Variants in VPS13C observed in about 807,000 individuals in gnomAD.
The protein encoded by VPS13C is vacuolar protein sorting 13 homolog C.
VPS13C carries 358 observed loss-of-function variants against 456.8 expected under a neutral mutation model. That is an observed-to-expected ratio of 0.78 (90% confidence interval 0.72 to 0.86). The LOEUF (loss-of-function observed/expected upper bound fraction) is 0.86, where lower values mean the gene tolerates loss of function less well. VPS13C is among the 40% of genes least tolerant of loss of function. The pLI is 0.00. For synonymous variants in VPS13C, 1,578 were observed against 1,486.7 expected (o/e 1.06, Z -1.41); for missense variants, 4,818 against 4,385.4 (o/e 1.10, Z -2.79).
chr15:61,863,520 G>T lies in VPS13C; in HGVS notation c.10872C>A (p.Ile3624=). 1 of 1,612,084 alleles carries T rather than the reference G, an allele frequency of 6.2e-7. No homozygotes were observed. The highest frequency in any genetic ancestry group is 2.2e-5 in the East Asian group (1 of 44,744). Residue 3624 remains isoleucine (I), a synonymous_variant, in exon 82 of 85, where the codon ATC becomes ATA. Transcript: ENST00000644861. ...SEGSDLLENH[I]KKLEGETYRY... ...GGTAAGTCTCTCCTTCCAACTTTTT[G>T]ATATGATTCTGAAAAGGAAACCAGG...
At chr15:61,947,646 A>G (rs1222993726) in intron 42 of VPS13C, among the ~76,000 whole-genome samples, 1 of 152,158 alleles carries the variant, frequency 6.6e-6, no homozygotes, top group East Asian at 1.9e-4. Flanking sequence ...CTTGGTCTAA[A>G]GTTTTGATTC....
intron 37 of VPS13C, among the ~76,000 whole-genome samples, chr15:61,954,876 A>G (rs1365971231): frequency 1.3e-5 from 2 of 152,204 alleles, no homozygotes; most frequent in Admixed American, 1.3e-4. Context: ...GGTATTATTC[A>G]AGTAGAGCAA....
At chr15:61,881,515 A>T in intron 71 of VPS13C, 48 bp downstream of exon 71, 1 of 1,510,044 alleles carries the variant, frequency 6.6e-7, no homozygotes, top group Non-Finnish European at 8.9e-7. Context: ...TTCAAAGTAG[A>T]TTCTCATTTT....
At chr15:61,995,914 C>T (rs1004874019) in intron 16 of VPS13C, among the ~76,000 whole-genome samples, 19 of 152,202 alleles carry the variant, frequency 1.2e-4, no homozygotes, top group South Asian at 4.1e-4. Context: ...AACTACTATA[C>T]ATGGCTCTGC....
At chr15:61,974,158 T>C (rs1262040569) in intron 25 of VPS13C, 130 bp downstream of exon 25, 5 of 945,254 alleles carry the variant, frequency 5.3e-6, no homozygotes, top group Non-Finnish European at 5.7e-6. Flanking sequence ...CATTATAAAT[T>C]TGAAAGACAT....
At chr15:61,954,667 A>T (rs1188354664) in intron 37 of VPS13C, 113 bp from the exon 38 acceptor site, 12 of 1,015,946 alleles carry the variant, frequency 1.2e-5, no homozygotes, top group Non-Finnish European at 1.7e-5. Context: ...AAATCCACGA[A>T]TTAGTAACAG....
chr15:61,863,454 A>G lies in VPS13C; in HGVS notation c.10938T>C (p.Leu3646=). 1 of 1,612,166 alleles carries G rather than the reference A, an allele frequency of 6.2e-7. No homozygotes were observed. Among genetic ancestry groups the G allele is most frequent in the Non-Finnish European group, 8.5e-7 (1 of 1,178,720 alleles). ...CAIPGSKKTI[L]MVTNRRVLCI... is the part of the protein sequence containing the mutation. The stretch of plus-strand genomic sequence containing the variant: ...CAAGTCAGTACCTATTTGTAACCAT[A>G]AGGATTGTCTTCTTGCTTCCAGGAA... The change falls in exon 82 of 85, where the codon CTT becomes CTC. Residue 3646 remains leucine, a synonymous_variant. Transcript: ENST00000644861.
intron 5 of VPS13C, among the ~76,000 whole-genome samples, chr15:62,030,721 G>A (rs1401819605): frequency 6.6e-6 from 1 of 152,052 alleles, no homozygotes; most frequent in African/African-American, 2.4e-5. Context: ...GGTGCAAGGA[G>A]ATAGTAAGAG....
intron 10 of VPS13C, among the ~76,000 whole-genome samples, 197 bp downstream of exon 10, chr15:62,013,736 C>T (rs969447214): frequency 6.6e-6 from 1 of 151,964 alleles, no homozygotes; most frequent in Non-Finnish European, 1.5e-5. Context: ...TGTATCTTCA[C>T]TTGATAGGTA....
chr15:62,017,836 G>C (rs1334140532), intron 9 of VPS13C, among the ~76,000 whole-genome samples: 1 of 152,190 alleles, frequency 6.6e-6, no homozygotes, highest in African/African-American at 2.4e-5. Flanking sequence ...GTCATTGGTA[G>C]CTTGATGGGG....
chr15:62,053,856 C>T (rs1190280931), intron 1 of VPS13C, among the ~76,000 whole-genome samples: 1 of 152,172 alleles, frequency 6.6e-6, no homozygotes, highest in Non-Finnish European at 1.5e-5. Flanking sequence ...ATAAACAGCA[C>T]GGGTTCAGTC....
Position 61,920,230 on chromosome 15 carries a change from G to C in VPS13C, c.7314C>G (p.Pro2438=). 6.2e-7 allele frequency: 1 copy of C among 1,613,368 alleles called. No individual in the cohort carries two copies. The highest frequency in any genetic ancestry group is 8.5e-7 in the Non-Finnish European group (1 of 1,179,604). The change falls in exon 57 of 85, where the codon CCC becomes CCG. Residue 2438 remains proline, a synonymous_variant. Coordinates refer to ENST00000644861, the MANE Select transcript of VPS13C (RefSeq NM_020821.3). Reference sequence around the variant, plus strand: ...AGCCCATTACTCTGAGATTACAATTGGGCTTCACCTTAATGGGAACACCTA... The same window carrying C: ...AGCCCATTACTCTGAGATTACAATTCGGCTTCACCTTAATGGGAACACCTA... ...NAVGVPIKVK[P]NCNLRVMGFP... is the part of the protein sequence containing the mutation.
At chr15:61,917,698 T>C (rs193172891) in intron 59 of VPS13C, 63 bp from the exon 60 acceptor site, 1 of 1,527,422 alleles carries the variant, frequency 6.5e-7, no homozygotes, top group Non-Finnish European at 8.8e-7. Flanking sequence ...AAGCATCTCA[T>C]TAAATCTTCC....
At chr15:62,049,460 A>G (rs2048545022) in intron 1 of VPS13C, among the ~76,000 whole-genome samples, 1 of 152,058 alleles carries the variant, frequency 6.6e-6, no homozygotes, top group Non-Finnish European at 1.5e-5. Context: ...TCCATTATCT[A>G]TATCTCTGTT....
chr15:61,934,267 A>T lies in VPS13C; in HGVS notation c.5820T>A (p.Phe1940Leu). Residue 1940 changes from phenylalanine to leucine, a missense_variant, in exon 49 of 85, where the codon TTT (phenylalanine) becomes TTA (leucine). Physicochemically the swap from Phe to Leu is conservative, Grantham distance 22. This residue lies in a region of VPS13C where 4,552 missense variants were observed against 4,130.6 expected (regional missense o/e 1.10). Coordinates refer to ENST00000644861, the MANE Select transcript of VPS13C (RefSeq NM_020821.3). Reference sequence around the variant, plus strand: ...GGATAATGGAAAGAGATTCAAAGTGAAAGTCAAATTGGAGACTGACAATCT... The same window carrying T: ...GGATAATGGAAAGAGATTCAAAGTGTAAGTCAAATTGGAGACTGACAATCT... ...MNQIVSLQFD[F>L]HFESLSIILY... The T allele has an allele frequency of 6.3e-7, 1 of 1,598,726 alleles. No homozygotes were observed. Among genetic ancestry groups the T allele is most frequent in the African/African-American group, 1.3e-5 (1 of 74,628 alleles).
chr15:61,922,036 G>A lies in VPS13C; in HGVS notation c.6976-3C>T. ...TGGATCTCATTGTAATAGTGCACCT[G>A]GAAAGATACACACAAAATTATAAGA... is the stretch of plus-strand genomic sequence containing the variant. On this transcript the variant is annotated splice_polypyrimidine_tract_variant and splice_region_variant and intron_variant, in intron 54 of 84. Coordinates refer to ENST00000644861, the MANE Select transcript of VPS13C (RefSeq NM_020821.3). The A allele has an allele frequency of 6.2e-7, 1 of 1,612,848 alleles. No homozygotes were observed. The highest frequency in any genetic ancestry group is 8.5e-7 in the Non-Finnish European group (1 of 1,179,302).
At chr15:61,981,262 G>GA (rs1274641655) in intron 22 of VPS13C, 80 bp downstream of exon 22, 5 of 1,447,594 alleles carry the variant, frequency 3.5e-6, no homozygotes, top group East Asian at 4.9e-5. Flanking sequence ...GAACTCTGAA[G>GA]AAAAAAACAG....
At chr15:62,003,333 T>C (rs1231145101) in intron 15 of VPS13C, among the ~76,000 whole-genome samples, 2 of 151,470 alleles carry the variant, frequency 1.3e-5, no homozygotes, top group Non-Finnish European at 2.9e-5. Context: ...CTATTATTGG[T>C]GTATAAGAAT....
intron 52 of VPS13C, among the ~76,000 whole-genome samples, chr15:61,925,792 TTAAG>T (rs1192123496): frequency 1.3e-5 from 2 of 152,218 alleles, no homozygotes; most frequent in Admixed American, 1.3e-4. Context: ...TGCCAAATCC[TTAAG>T]TAATAAAGCA....
Sources: gnomAD v4.1 joint callset for allele counts (sites outside exome capture counted in the v4.1 genomes callset) on GRCh38, gnomAD v4.1.1 for gene constraint, gnomAD v4.1.1 regional missense constraint, MANE v1.5 for transcripts, NCBI Gene and HGNC (gene_info 2026-07-23, HGNC 2026-07-21) for gene names.